GRM7: variants seen among roughly 807,000 people sequenced by gnomAD.
GRM7 encodes the protein metabotropic glutamate receptor 7.
A neutral mutation model predicts 84.5 loss-of-function variants in GRM7; 35 were observed. The observed-to-expected ratio is 0.41, with a 90% CI of 0.32 to 0.55. The LOEUF (loss-of-function observed/expected upper bound fraction) is 0.55, where lower values mean the gene tolerates loss of function less well. Ranked by LOEUF, GRM7 falls within the 20% of genes least tolerant of loss-of-function variation. The pLI is 0.19. For missense variants in GRM7, 1,003 were observed against 1,194.6 expected (o/e 0.84, Z 2.36); for synonymous variants, 487 against 455.1 (o/e 1.07, Z -0.89).
chr3:7,459,141 G>GA (rs1242144018), intron 6 of GRM7, among the ~76,000 whole-genome samples: 2 of 152,228 alleles, frequency 1.3e-5, no homozygotes, highest in Non-Finnish European at 2.9e-5. Flanking sequence ...GTAAAAGACA[G>GA]AAAAAAACAA....
At chr3:7,736,556 C>G (rs534298303) in intron 9 of GRM7, among the ~76,000 whole-genome samples, 1 of 152,194 alleles carries the variant, frequency 6.6e-6, no homozygotes, top group South Asian at 2.1e-4. Flanking sequence ...ATAATTTGCA[C>G]AACTTAAAAC....
intron 9 of GRM7, among the ~76,000 whole-genome samples, chr3:7,713,613 C>G (rs1050300804): frequency 1.1e-4 from 16 of 151,938 alleles, no homozygotes; most frequent in Non-Finnish European, 2.1e-4. Flanking sequence ...TTTGAGTTTT[C>G]TCATCTTAAA....
intron 8 of GRM7, among the ~76,000 whole-genome samples, chr3:7,675,973 G>A (rs1396078366): frequency 6.6e-6 from 1 of 152,018 alleles, no homozygotes; most frequent in Non-Finnish European, 1.5e-5. Context: ...AGAGAGAATA[G>A]TTATAGCTAT....
chr3:7,064,935 A>G (rs1012599474), intron 1 of GRM7, among the ~76,000 whole-genome samples: 3 of 151,878 alleles, frequency 2.0e-5, no homozygotes, highest in Non-Finnish European at 4.4e-5. Context: ...TTCTTTGATC[A>G]TTAGTGATGT....
intron 7 of GRM7, among the ~76,000 whole-genome samples, chr3:7,512,990 G>C (rs940879983): frequency 1.3e-5 from 2 of 152,146 alleles, no homozygotes; most frequent in African/African-American, 4.8e-5. Flanking sequence ...GTCCCAAATG[G>C]AACTATTGTT....
At chr3:6,932,820 T>C (rs2125046851) in intron 1 of GRM7, among the ~76,000 whole-genome samples, 1 of 147,604 alleles carries the variant, frequency 6.8e-6, no homozygotes, top group East Asian at 2.1e-4. Flanking sequence ...AATGGCGCGA[T>C]CTCGGCTCAC....
At chr3:6,988,909 C>G (rs1261949172) in intron 1 of GRM7, among the ~76,000 whole-genome samples, 1 of 152,098 alleles carries the variant, frequency 6.6e-6, no homozygotes, top group African/African-American at 2.4e-5. Flanking sequence ...CTCAAAGGCT[C>G]AATTTGATTT....
chr3:7,490,042 C>A (rs1336803454), intron 7 of GRM7, among the ~76,000 whole-genome samples: 1 of 151,782 alleles, frequency 6.6e-6, no homozygotes, highest in Non-Finnish European at 1.5e-5. Flanking sequence ...TGAAATCCAT[C>A]CTAACTAAAA....
intron 7 of GRM7, among the ~76,000 whole-genome samples, chr3:7,537,114 G>C (rs1172449528): frequency 6.6e-6 from 1 of 152,150 alleles, no homozygotes; most frequent in Non-Finnish European, 1.5e-5. Flanking sequence ...GTGATGTCTG[G>C]AGGAGTGTGT....
intron 7 of GRM7, among the ~76,000 whole-genome samples, chr3:7,503,885 G>A (rs1699961016): frequency 6.6e-6 from 1 of 152,024 alleles, no homozygotes; most frequent in Non-Finnish European, 1.5e-5. Flanking sequence ...TCAAAATGCT[G>A]CAACATTGTT....
chr3:7,517,025 T>C (rs949590863), intron 7 of GRM7, among the ~76,000 whole-genome samples: 11 of 152,138 alleles, frequency 7.2e-5, no homozygotes, highest in African/African-American at 2.7e-4. Flanking sequence ...ACACTTGATC[T>C]TTCAAATACT....
chr3:7,456,763 T>G (rs1376024795), intron 6 of GRM7, among the ~76,000 whole-genome samples: 1 of 152,138 alleles, frequency 6.6e-6, no homozygotes, highest in Non-Finnish European at 1.5e-5. Context: ...TGAGGATATA[T>G]TTTTCTTCCA....
rs370634134 is a variant in GRM7, at chr3:7,211,652, C to CAAAAAAA, written c.736+64994_736+65000dup. ...AAAATTAGCTTTCTGTTCTCCCAAC[C>CAAAAAAA]AAAAAAAAAAAAAAAATCACACTGA... is the stretch of plus-strand genomic sequence containing the variant. On this transcript the variant is annotated intron_variant, in intron 2 of 9. Transcript: ENST00000357716. Among the ~76,000 whole-genome samples, 985 of 122,520 alleles carry CAAAAAAA rather than the reference C, an allele frequency of 8.0e-3. 17 individuals are homozygous for CAAAAAAA. Among genetic ancestry groups the CAAAAAAA allele is most frequent in the African/African-American group, 0.017 (502 of 29,970 alleles). 80.4% of individuals were successfully genotyped at this position (122,520 alleles called of 152,430 possible). A position where few individuals can be genotyped will look rare whatever the true frequency, so the allele number is the denominator to read the frequency against.
intron 7 of GRM7, among the ~76,000 whole-genome samples, chr3:7,483,020 G>A (rs530016448): frequency 2.6e-5 from 4 of 152,168 alleles, no homozygotes; most frequent in Non-Finnish European, 5.9e-5. Flanking sequence ...TGTTTTTCTG[G>A]AATTCCCGTT....
chr3:7,399,188 T>C (rs989444268), intron 4 of GRM7, among the ~76,000 whole-genome samples: 68 of 144,436 alleles, frequency 4.7e-4, no homozygotes, highest in African/African-American at 1.8e-3. Context: ...ACAATAATAA[T>C]AATAATAATA....
At chr3:6,878,926 C>G (rs780846513) in intron 1 of GRM7, among the ~76,000 whole-genome samples, 3 of 152,132 alleles carry the variant, frequency 2.0e-5, no homozygotes, top group Non-Finnish European at 2.9e-5. Context: ...TATCACTGGT[C>G]CAATGACCAC....
At chr3:6,982,527 TAC>T (rs1694248797) in intron 1 of GRM7, among the ~76,000 whole-genome samples, 1 of 152,010 alleles carries the variant, frequency 6.6e-6, no homozygotes, top group African/African-American at 2.4e-5. Flanking sequence ...CTTTAAAGCA[TAC>T]AGTTCTATAA....
At chr3:7,246,078 A>T (rs1464277215) in intron 2 of GRM7, among the ~76,000 whole-genome samples, 1 of 152,126 alleles carries the variant, frequency 6.6e-6, no homozygotes, top group African/African-American at 2.4e-5. Context: ...CTTTGACTGC[A>T]TCTTTAACAC....
At chr3:7,710,083 T>C (rs1459699829) in intron 9 of GRM7, among the ~76,000 whole-genome samples, 2 of 152,150 alleles carry the variant, frequency 1.3e-5, no homozygotes, top group Non-Finnish European at 2.9e-5. Context: ...TAAGTATGTA[T>C]ATTATGTGTG....
Sources: gnomAD v4.1 joint callset for allele counts (sites outside exome capture counted in the v4.1 genomes callset) on GRCh38, gnomAD v4.1.1 for gene constraint, MANE v1.5 for transcripts, NCBI Gene and HGNC (gene_info 2026-07-23, HGNC 2026-07-21) for gene names.